TMEM163: variants seen among roughly 807,000 people sequenced by gnomAD.
TMEM163 encodes the protein transmembrane protein 163.
Under a neutral mutation model 29.3 loss-of-function variants are expected in TMEM163, and 17 were observed. The ratio of observed to expected loss-of-function variants is 0.58; its 90% CI spans 0.40 to 0.87. TMEM163 has a LOEUF of 0.87. TMEM163 is among the 40% of genes least tolerant of loss of function. TMEM163 has a pLI of 0.00. For synonymous variants in TMEM163, 157 were observed against 160.6 expected (o/e 0.98, Z 0.17); for missense variants, 303 against 381.5 (o/e 0.79, Z 1.71).
At chr2:134,624,837 G>A (rs991989135) in intron 2 of TMEM163, among the ~76,000 whole-genome samples, 1 of 150,376 alleles carries the variant, frequency 6.6e-6, no homozygotes, top group African/African-American at 2.5e-5. Context: ...TGAACCCAAG[G>A]AGGCGGAGGT....
intron 2 of TMEM163, among the ~76,000 whole-genome samples, chr2:134,632,396 A>C (rs1215095541): frequency 6.6e-6 from 1 of 152,260 alleles, no homozygotes; most frequent in Admixed American, 6.5e-5. Context: ...ACATAAAATA[A>C]ATAAATCAGA....
intron 7 of TMEM163, 30 bp from the exon 8 acceptor site, chr2:134,456,806 T>C (rs199515838): frequency 8.7e-6 from 14 of 1,610,780 alleles, no homozygotes; most frequent in East Asian, 4.5e-5. Context: ...CAAGGTCACC[T>C]CCATGGCATG....
chr2:134,531,515 T>C (rs1680416065), intron 4 of TMEM163, among the ~76,000 whole-genome samples: 1 of 152,224 alleles, frequency 6.6e-6, no homozygotes, highest in Non-Finnish European at 1.5e-5. Context: ...CCTGTGCTTC[T>C]GACCCACTGG....
intron 2 of TMEM163, among the ~76,000 whole-genome samples, chr2:134,668,625 C>CAAAAA (rs1173331892): frequency 8.7e-6 from 1 of 114,300 alleles, no homozygotes. Flanking sequence ...AACTCCGTCT[C>CAAAAA]AAAAAAAAAA....
intron 5 of TMEM163, among the ~76,000 whole-genome samples, chr2:134,477,771 A>G (rs1686953193): frequency 6.6e-6 from 1 of 152,220 alleles, no homozygotes; most frequent in South Asian, 2.1e-4. Flanking sequence ...GGTCATACCT[A>G]TTGAAATGGA....
intron 2 of TMEM163, among the ~76,000 whole-genome samples, chr2:134,624,671 G>T (rs1254526913): frequency 6.6e-6 from 1 of 152,182 alleles, no homozygotes; most frequent in Non-Finnish European, 1.5e-5. Flanking sequence ...CACTTTGGGA[G>T]GCTGAGGTGG....
At chr2:134,658,917 AGCATCTGCTTT>A (rs1683683326) in intron 2 of TMEM163, among the ~76,000 whole-genome samples, 1 of 152,156 alleles carries the variant, frequency 6.6e-6, no homozygotes, top group African/African-American at 2.4e-5. Context: ...TTTTTTATGA[AGCATCTGCTTT>A]GCAAAAGAAC....
intron 4 of TMEM163, among the ~76,000 whole-genome samples, chr2:134,505,473 C>A (rs528797402): frequency 6.6e-6 from 1 of 152,068 alleles, no homozygotes; most frequent in African/African-American, 2.4e-5. Flanking sequence ...GAGATAGAAG[C>A]GACATCCAAG....
intron 2 of TMEM163, among the ~76,000 whole-genome samples, chr2:134,669,857 T>C (rs1030958170): frequency 1.3e-5 from 2 of 152,068 alleles, no homozygotes; most frequent in East Asian, 3.9e-4. Flanking sequence ...AGAAGAGAGA[T>C]GGACAAACAG....
At chr2:134,579,398 T>C (rs1681639224) in intron 2 of TMEM163, among the ~76,000 whole-genome samples, 1 of 152,236 alleles carries the variant, frequency 6.6e-6, no homozygotes, top group Non-Finnish European at 1.5e-5. Context: ...AGTGACATAA[T>C]GTTTTAGGAT....
At chr2:134,666,017 T>C (rs1354149053) in intron 2 of TMEM163, among the ~76,000 whole-genome samples, 1 of 152,170 alleles carries the variant, frequency 6.6e-6, no homozygotes, top group African/African-American at 2.4e-5. Context: ...CCCAAATTAG[T>C]AAGCAGCTCC....
At chr2:134,671,616 C>T (rs989169212) in intron 2 of TMEM163, among the ~76,000 whole-genome samples, 4 of 152,330 alleles carry the variant, frequency 2.6e-5, no homozygotes, top group Admixed American at 2.0e-4. Flanking sequence ...CCTTTCTTCC[C>T]ACCACTGGCT....
At chr2:134,649,894 T>G (rs1489041575) in intron 2 of TMEM163, among the ~76,000 whole-genome samples, 3 of 150,912 alleles carry the variant, frequency 2.0e-5, no homozygotes, top group Non-Finnish European at 2.9e-5. Flanking sequence ...TAGTCCCAGC[T>G]ACTTGGGTGG....
At chr2:134,536,269 C>A (rs2106501264) in intron 4 of TMEM163, among the ~76,000 whole-genome samples, 1 of 152,212 alleles carries the variant, frequency 6.6e-6, no homozygotes, top group South Asian at 2.1e-4. Context: ...CAACTTCCTT[C>A]TGGGCTGCAG....
At chr2:134,611,838 C>T (rs562387106) in intron 2 of TMEM163, among the ~76,000 whole-genome samples, 1 of 152,290 alleles carries the variant, frequency 6.6e-6, no homozygotes, top group South Asian at 2.1e-4. Context: ...AGAGGTGAGC[C>T]TCCATGTTGG....
At chr2:134,484,780 G>A (rs912528638) in intron 5 of TMEM163, among the ~76,000 whole-genome samples, 1 of 152,094 alleles carries the variant, frequency 6.6e-6, no homozygotes, top group African/African-American at 2.4e-5. Context: ...TTTGGCAATG[G>A]GGGAATGGTT....
At chr2:134,550,767 C>G in intron 3 of TMEM163, 106 bp from the exon 4 acceptor site, 2 of 1,097,896 alleles carry the variant, frequency 1.8e-6, no homozygotes, top group Non-Finnish European at 2.7e-6. Flanking sequence ...CATGAGTAAA[C>G]TCTGAGCAAA....
At chr2:134,681,040 C>A (rs1684219659) in intron 2 of TMEM163, among the ~76,000 whole-genome samples, 1 of 152,192 alleles carries the variant, frequency 6.6e-6, no homozygotes, top group African/African-American at 2.4e-5. Flanking sequence ...TCTTTATAAC[C>A]ACTTGGATCA....
At chr2:134,478,860 CCA>C (rs1686978626) in intron 5 of TMEM163, among the ~76,000 whole-genome samples, 1 of 152,158 alleles carries the variant, frequency 6.6e-6, no homozygotes. Context: ...CATCGCAGCC[CCA>C]GAGGCCTCAG....
Sources: gnomAD v4.1 joint callset for allele counts (sites outside exome capture counted in the v4.1 genomes callset) on GRCh38, gnomAD v4.1.1 for gene constraint, MANE v1.5 for transcripts, NCBI Gene and HGNC (gene_info 2026-07-23, HGNC 2026-07-21) for gene names.